WWP2: variants seen among roughly 807,000 people sequenced by gnomAD.
The protein encoded by WWP2 is WW domain containing E3 ubiquitin protein ligase 2, also known as NEDD4-like E3 ubiquitin-protein ligase WWP2.
Under a neutral mutation model 121.0 loss-of-function variants are expected in WWP2, and 57 were observed. The ratio of observed to expected loss-of-function variants is 0.47; its 90% CI spans 0.38 to 0.59. WWP2 has a LOEUF of 0.59. Ranked by LOEUF, WWP2 falls within the 20% of genes least tolerant of loss-of-function variation. The probability of loss-of-function intolerance (pLI) is 0.00; values close to 1 mark genes in which losing one functional copy is unlikely to be tolerated. For synonymous variants in WWP2, 449 were observed against 441.3 expected (o/e 1.02, Z -0.22); for missense variants, 962 against 1,158.9 (o/e 0.83, Z 2.47).
intron 8 of WWP2, among the ~76,000 whole-genome samples, chr16:69,901,746 A>G (rs1427491860): frequency 6.6e-6 from 1 of 152,188 alleles, no homozygotes; most frequent in African/African-American, 2.4e-5. Flanking sequence ...ACCAAGACTG[A>G]AATTTTGACC....
intron 6 of WWP2, among the ~76,000 whole-genome samples, chr16:69,862,487 G>T (rs1171756002): frequency 6.6e-6 from 1 of 151,952 alleles, no homozygotes; most frequent in Non-Finnish European, 1.5e-5. Flanking sequence ...CTGACCTCAG[G>T]CAATCCAACC....
chr16:69,897,776 C>T (rs981307307), intron 8 of WWP2, among the ~76,000 whole-genome samples: 1 of 151,752 alleles, frequency 6.6e-6, no homozygotes, highest in African/African-American at 2.4e-5. Context: ...GGTGTGGTGG[C>T]GCATGCCTGT....
At position 69,775,590 on chromosome 16, in the gene WWP2, A is replaced by G. The variant is rs139833507; in HGVS notation, c.-15-11406A>G. On this transcript the variant is annotated intron_variant, in intron 1 of 23. Coordinates refer to ENST00000359154, the MANE Select transcript of WWP2 (RefSeq NM_001270454.2). ...CTGTTTCCATTAGAGCCCTGAACCT[A>G]GTAATCATAGTTATTTTGCATTACC... is the stretch of plus-strand genomic sequence containing the variant. Among the ~76,000 whole-genome samples, 3 of 152,324 alleles carry G rather than the reference A, an allele frequency of 2.0e-5. No individual in the cohort carries two copies. The East Asian group carries it at 5.8e-4, about 29-fold the overall frequency.
Position 69,939,142 on chromosome 16 carries a change from T to C in WWP2, c.2440+19T>C. ...CTCATCGGTATGTTTTCTCTCGCCC[T>C]CTGGCGTCCTGGCTGGCAGTGCGGA... On this transcript the variant is annotated intron_variant, in intron 22 of 23. Transcript: ENST00000359154. 1 of 1,585,568 alleles carries C rather than the reference T, an allele frequency of 6.3e-7. No individual in the cohort carries two copies. The highest frequency in any genetic ancestry group is 8.6e-7 in the Non-Finnish European group (1 of 1,164,670).
intron 8 of WWP2, among the ~76,000 whole-genome samples, chr16:69,906,279 A>G (rs546381199): frequency 1.6e-4 from 24 of 152,082 alleles, no homozygotes; most frequent in African/African-American, 4.8e-4. Context: ...TTACTGTGTT[A>G]GCCAGGATGA....
At chr16:69,783,761 C>T (rs1041648455) in intron 1 of WWP2, among the ~76,000 whole-genome samples, 1 of 146,418 alleles carries the variant, frequency 6.8e-6, no homozygotes, top group African/African-American at 2.5e-5. Flanking sequence ...GTCTGGGCAA[C>T]GTAGTGAGAC....
At chr16:69,899,436 A>C (rs1278530777) in intron 8 of WWP2, among the ~76,000 whole-genome samples, 7 of 152,110 alleles carry the variant, frequency 4.6e-5, no homozygotes, top group African/African-American at 1.7e-4. Flanking sequence ...TTGTTTAAAA[A>C]ATCAAGATGT....
intron 6 of WWP2, among the ~76,000 whole-genome samples, chr16:69,843,633 C>T (rs2057018446): frequency 6.6e-6 from 1 of 152,038 alleles, no homozygotes; most frequent in South Asian, 2.1e-4. Context: ...TTTGGAAGAT[C>T]AAAGTGGGAG....
chr16:69,860,335 A>G (rs2057392988), intron 6 of WWP2, among the ~76,000 whole-genome samples: 2 of 152,184 alleles, frequency 1.3e-5, no homozygotes, highest in African/African-American at 2.4e-5. Flanking sequence ...CCTGAATCCT[A>G]CTGTGGGCCA....
chr16:69,779,152 T>C (rs920449323), intron 1 of WWP2, among the ~76,000 whole-genome samples: 1 of 152,180 alleles, frequency 6.6e-6, no homozygotes, highest in African/African-American at 2.4e-5. Flanking sequence ...GGTTTCACCA[T>C]GTTGGCCAGG....
At chr16:69,900,894 G>A (rs2058193770) in intron 8 of WWP2, among the ~76,000 whole-genome samples, 1 of 152,192 alleles carries the variant, frequency 6.6e-6, no homozygotes, top group South Asian at 2.1e-4. Flanking sequence ...TAATTCAGGA[G>A]CTTTGGTAGC....
chr16:69,766,135 A>G (rs553618057), intron 1 of WWP2, among the ~76,000 whole-genome samples: 1 of 152,212 alleles, frequency 6.6e-6, no homozygotes, highest in African/African-American at 2.4e-5. Flanking sequence ...TGCCCCTCAG[A>G]CAGCCTTCCC....
chr16:69,917,800 G>T lies in WWP2; in HGVS notation c.1096G>T (p.Val366Leu). The change falls in exon 10 of 24, where the codon GTG (valine) becomes TTG (leucine). Residue 366 changes from valine to leucine, a missense_variant. Val to Leu is a conservative substitution (Grantham distance 32). Around this residue, in one of 3 missense-constraint regions of WWP2, gnomAD observed 606 missense variants for 772.6 expected, o/e 0.78. Coordinates refer to ENST00000359154, the MANE Select transcript of WWP2 (RefSeq NM_001270454.2). The part of the protein sequence containing the change: ...TTWQRPTAEY[V>L]RNYEQWQSQR... ...CTGGCAGCGTCCGACCGCGGAGTAC[G>T]TGCGCAACTATGAGCAGTGGCAGTC... The T allele has an allele frequency of 6.2e-7, 1 of 1,614,120 alleles. No individual in the cohort carries two copies. The highest frequency in any genetic ancestry group is 8.5e-7 in the Non-Finnish European group (1 of 1,179,924).
intron 6 of WWP2, among the ~76,000 whole-genome samples, chr16:69,850,758 C>G (rs1352859916): frequency 1.3e-5 from 2 of 152,152 alleles, no homozygotes; most frequent in Non-Finnish European, 2.9e-5. Flanking sequence ...GCGTAGCAAA[C>G]TAGGGTTTGC....
chr16:69,795,623 A>G (rs1461305992), intron 2 of WWP2, among the ~76,000 whole-genome samples: 3 of 128,222 alleles, frequency 2.3e-5, no homozygotes, highest in Non-Finnish European at 5.1e-5. Flanking sequence ...CAATTTTTCT[A>G]TAGATTGGAA....
intron 7 of WWP2, among the ~76,000 whole-genome samples, chr16:69,887,100 C>T (rs551599811): frequency 6.6e-6 from 1 of 152,080 alleles, no homozygotes; most frequent in Admixed American, 6.6e-5. Flanking sequence ...TCCTTGTGAA[C>T]GTAAGTGATC....
In WWP2 at chr16:69,813,681, C is replaced by G. The variant is rs550123258; in HGVS notation, c.340+14386C>G. 4.6e-5 allele frequency among the ~76,000 whole-genome samples: 7 copies of G among 152,132 alleles called. 1 individual carries two copies. The highest frequency in any genetic ancestry group is 4.6e-4 in the Admixed American group (7 of 15,260). On this transcript the variant is annotated intron_variant, in intron 4 of 23. Transcript: ENST00000359154. ...CAGGGTTTCACCATGTTGCCCAAGG[C>G]TGGTCTTAAACTTTTGGGCTCTAGT...
At chr16:69,863,570 G>C (rs913886641) in intron 6 of WWP2, among the ~76,000 whole-genome samples, 28 of 152,146 alleles carry the variant, frequency 1.8e-4, no homozygotes, top group African/African-American at 6.5e-4. Context: ...ACCTGGTGGG[G>C]GCAGAGGTTG....
chr16:69,869,390 A>T (rs1412048502), intron 6 of WWP2, among the ~76,000 whole-genome samples: 5 of 143,258 alleles, frequency 3.5e-5, no homozygotes, highest in Admixed American at 1.4e-4. Context: ...GAAAAACTTA[A>T]TTTTTTTTTT....
Sources: gnomAD v4.1 joint callset for allele counts (sites outside exome capture counted in the v4.1 genomes callset) on GRCh38, gnomAD v4.1.1 for gene constraint, gnomAD v4.1.1 regional missense constraint, MANE v1.5 for transcripts, NCBI Gene and HGNC (gene_info 2026-07-23, HGNC 2026-07-21) for gene names.